MTUS1: variants seen among roughly 807,000 people sequenced by gnomAD.
The protein encoded by MTUS1 is microtubule-associated tumor suppressor 1.
Under a neutral mutation model 120.8 loss-of-function variants are expected in MTUS1, and 109 were observed. The ratio of observed to expected loss-of-function variants is 0.90; its 90% CI spans 0.77 to 1.06. MTUS1 has a LOEUF of 1.06. Among genes scored for constraint, MTUS1 ranks in the 50% least tolerant of loss-of-function variants. The pLI is 0.00. For synonymous variants in MTUS1, 737 were observed against 550.5 expected, an observed-to-expected ratio of 1.34 and a Z score of -4.74; for missense variants, 2,210 against 1,486.3, an observed-to-expected ratio of 1.49 and a Z score of -8.01.
At chr8:17,674,942 A>C in intron 8 of MTUS1, 1 of 1,272,912 alleles carries the variant, frequency 7.9e-7, no homozygotes, top group East Asian at 3.0e-5. Context: ...CAGCAAGAGA[A>C]ATATTTTGCT....
intron 1 of MTUS1, among the ~76,000 whole-genome samples, chr8:17,760,948 T>G (rs1350225690): frequency 6.6e-6 from 1 of 151,852 alleles, no homozygotes; most frequent in Non-Finnish European, 1.5e-5. Context: ...ATAACACTTG[T>G]GTAACACTCC....
intron 1 of MTUS1, among the ~76,000 whole-genome samples, chr8:17,757,631 A>G (rs577152511): frequency 6.2e-4 from 95 of 152,262 alleles, no homozygotes; most frequent in Non-Finnish European, 1.0e-3. Context: ...GTTTCAGGCA[A>G]TCTTCCTGCC....
chr8:17,726,833 T>C (rs188265236), intron 3 of MTUS1, among the ~76,000 whole-genome samples: 7 of 152,254 alleles, frequency 4.6e-5, no homozygotes, highest in Non-Finnish European at 8.8e-5. Flanking sequence ...ATAAGCAAGG[T>C]TGGGCACGTA....
At chr8:17,736,382 C>T (rs900052962) in intron 3 of MTUS1, among the ~76,000 whole-genome samples, 1 of 152,102 alleles carries the variant, frequency 6.6e-6, no homozygotes, top group Admixed American at 6.5e-5. Flanking sequence ...CTGTTCCTCA[C>T]GCACCCTACA....
Position 17,697,439 on chromosome 8 carries a change from G to C in MTUS1, c.2624-12897C>G, listed in dbSNP as rs1290673751. 3 of 1,590,318 alleles carry C rather than the reference G, an allele frequency of 1.9e-6. No individual in the cohort carries two copies. In the East Asian group the frequency reaches 6.8e-5, roughly 36 times the overall value. On this transcript the variant is annotated intron_variant, in intron 6 of 14. Transcript: ENST00000693296. ...CAATTTCCATGGACTGTCACATACT[G>C]TCTTTTTAAACTCAGTACTCTTCAA... is the stretch of plus-strand genomic sequence containing the variant.
chr8:17,748,979 T>G (rs1457992172), intron 2 of MTUS1, among the ~76,000 whole-genome samples: 3 of 152,184 alleles, frequency 2.0e-5, no homozygotes, highest in Non-Finnish European at 4.4e-5. Context: ...CAATTCTCCC[T>G]TTACATTAAT....
chr8:17,649,695 C>A, intron 13 of MTUS1, 151 bp downstream of exon 13: 1 of 618,090 alleles, frequency 1.6e-6, no homozygotes, highest in South Asian at 2.1e-5. Context: ...ATGGAACAAA[C>A]TTGGAAAGAA....
chr8:17,751,888 A>AAAGC (rs1197572303), intron 2 of MTUS1, among the ~76,000 whole-genome samples: 5 of 143,916 alleles, frequency 3.5e-5, no homozygotes, highest in Admixed American at 6.9e-5. Flanking sequence ...AAAAAAAAAG[A>AAAGC]AAGCAAAAAA....
At chr8:17,714,868 CTTCAG>C (rs1368535998) in intron 5 of MTUS1, among the ~76,000 whole-genome samples, 3 of 132,882 alleles carry the variant, frequency 2.3e-5, no homozygotes, top group Non-Finnish European at 4.8e-5. Flanking sequence ...TTTAGTTAAG[CTTCAG>C]TTCACTAAGC....
At chr8:17,653,305 C>T (rs1807445431) in intron 11 of MTUS1, 24 bp from the exon 12 acceptor site, 3 of 1,513,032 alleles carry the variant, frequency 2.0e-6, no homozygotes, top group South Asian at 1.2e-5. Context: ...AAATGTGGAA[C>T]TTAAGTTAAC....
intron 6 of MTUS1, among the ~76,000 whole-genome samples, chr8:17,686,697 T>C (rs1436573981): frequency 6.6e-6 from 1 of 152,232 alleles, no homozygotes; most frequent in African/African-American, 2.4e-5. Flanking sequence ...GGTGAGTCTT[T>C]TATATTAATA....
At position 17,755,407 on chromosome 8, in the gene MTUS1, G is replaced by A; in HGVS notation, c.401C>T (p.Pro134Leu). The A allele has an allele frequency of 6.2e-7, 1 of 1,614,188 alleles. No individual in the cohort carries two copies. The highest frequency in any genetic ancestry group is 8.5e-7 in the Non-Finnish European group (1 of 1,180,032). The change falls in exon 2 of 15, where the codon CCA (proline) becomes CTA (leucine). Residue 134 changes from proline to leucine, a missense_variant. Pro to Leu is a moderately conservative substitution (Grantham distance 98, BLOSUM62 -3). Transcript: ENST00000693296. ...AGGCTTCCACACAAAAGGCAAAGAT[G>A]GCTCAACACTCTGGCCCTCAACTGC... ...LEAVEGQSVE[P>L]SLPFVWKPND...
chr8:17,767,004 TATA>T (rs2049560421), intron 1 of MTUS1, among the ~76,000 whole-genome samples: 1 of 152,118 alleles, frequency 6.6e-6, no homozygotes, highest in African/African-American at 2.4e-5. Context: ...ATGACCAGTA[TATA>T]ATAAGACTGG....
At position 17,754,433 on chromosome 8, in the gene MTUS1, G is replaced by C. The variant is rs548968248; in HGVS notation, c.1375C>G (p.Arg459Gly). The C allele has an allele frequency of 2.5e-6, 4 of 1,614,070 alleles. No individual in the cohort carries two copies. Among genetic ancestry groups the C allele is most frequent in the Admixed American group, 3.3e-5 (2 of 60,000 alleles). Residue 459 changes from arginine (R) to glycine (G), a missense_variant, in exon 2 of 15, where the codon CGA (arginine) becomes GGA (glycine). Physicochemically the swap from Arg to Gly is moderately radical, Grantham distance 125. Coordinates refer to ENST00000693296, the MANE Select transcript of MTUS1 (RefSeq NM_001363059.2). The stretch of plus-strand genomic sequence containing the variant: ...GAGTCTGGTATGTTTTTAAGCCCTC[G>C]ATTACCCTTCTCCACTTTCTTACAT... ...EKCKKVEKGN[R>G]GLKNIPDSKE...
chr8:17,707,552 T>C (rs4921809), intron 6 of MTUS1, among the ~76,000 whole-genome samples: 69,490 of 152,058 alleles, frequency 0.46, 16,487 homozygotes, highest in African/African-American at 0.59. Context: ...GAGTCATCTA[T>C]AGATTCAATG....
At chr8:17,647,741 G>A (rs573994606) in intron 13 of MTUS1, among the ~76,000 whole-genome samples, 1 of 152,304 alleles carries the variant, frequency 6.6e-6, no homozygotes, top group South Asian at 2.1e-4. Context: ...GATCAGCGGA[G>A]AGATGAAAGG....
At position 17,691,751 on chromosome 8, in the gene MTUS1, A is replaced by G. The variant is rs1459243820; in HGVS notation, c.2624-7209T>C. ...CTAATATGGCTTCATTGACGTCTAC[A>G]TTTTGTAGTACGAAAAACACAAGAG... On this transcript the variant is annotated intron_variant, in intron 6 of 14. Coordinates refer to ENST00000693296, the MANE Select transcript of MTUS1 (RefSeq NM_001363059.2). Among the ~76,000 whole-genome samples, 4 of 152,140 alleles carry G rather than the reference A, an allele frequency of 2.6e-5. No individual in the cohort carries two copies. The East Asian group carries it at 5.8e-4, about 22-fold the overall frequency.
At chr8:17,738,483 C>G (rs1005521978) in intron 3 of MTUS1, among the ~76,000 whole-genome samples, 5 of 152,190 alleles carry the variant, frequency 3.3e-5, no homozygotes, top group Admixed American at 2.0e-4. Flanking sequence ...GAAGGCGGGT[C>G]TCTCTAAAGA....
In MTUS1 at chr8:17,731,059, CCTA is replaced by C. The variant is rs568105907; in HGVS notation, c.2288-7229_2288-7227del. On this transcript the variant is annotated intron_variant, in intron 3 of 14. Coordinates refer to ENST00000693296, the MANE Select transcript of MTUS1 (RefSeq NM_001363059.2). The stretch of plus-strand genomic sequence containing the variant: ...TAAGATATTATAAAATAATAAAAGT[CCTA>C]CTGGAATAAAACCATACTGACAGAT... Among the ~76,000 whole-genome samples, 384 of 152,188 alleles carry C rather than the reference CCTA, an allele frequency of 2.5e-3. 1 individual carries two copies. Among genetic ancestry groups the C allele is most frequent in the African/African-American group, 8.9e-3 (368 of 41,522 alleles).
Sources: gnomAD v4.1 joint callset for allele counts (sites outside exome capture counted in the v4.1 genomes callset) on GRCh38, gnomAD v4.1.1 for gene constraint, MANE v1.5 for transcripts, NCBI Gene and HGNC (gene_info 2026-07-23, HGNC 2026-07-21) for gene names.